Variants in KIF5C observed in about 807,000 individuals in gnomAD.
The protein encoded by KIF5C is kinesin family member 5C, also known as kinesin heavy chain isoform 5C.
Under a neutral mutation model 125.2 loss-of-function variants are expected in KIF5C, and 18 were observed. The observed-to-expected ratio is 0.14, with a 90% CI of 0.10 to 0.21. The LOEUF (loss-of-function observed/expected upper bound fraction) is 0.21, where lower values mean the gene tolerates loss of function less well. KIF5C is among the 10% of genes least tolerant of loss of function. KIF5C has a pLI of 1.00. For synonymous variants in KIF5C, 405 were observed against 434.0 expected, an observed-to-expected ratio of 0.93 and a Z score of 0.83; for missense variants, 780 against 1,183.8, an observed-to-expected ratio of 0.66 and a Z score of 5.01.
chr2:148,965,211 G>A (rs1464528352), intron 11 of KIF5C, among the ~76,000 whole-genome samples: 1 of 152,042 alleles, frequency 6.6e-6, no homozygotes, highest in Non-Finnish European at 1.5e-5. Context: ...AAGAAGTTAG[G>A]TCTGAGGGTC....
intron 13 of KIF5C, among the ~76,000 whole-genome samples, chr2:148,980,253 G>A (rs1034199281): frequency 1.4e-4 from 22 of 151,990 alleles, no homozygotes; most frequent in African/African-American, 3.4e-4. Flanking sequence ...AGCTATAGTC[G>A]AGGCCTTCCA....
At chr2:148,950,530 T>G in intron 10 of KIF5C, 68 bp downstream of exon 10, 1 of 1,527,282 alleles carries the variant, frequency 6.5e-7, no homozygotes, top group Non-Finnish European at 8.8e-7. Context: ...ATGGCAAGGC[T>G]GGGTGCAATG....
chr2:148,907,055 T>C (rs1401272477), intron 1 of KIF5C, among the ~76,000 whole-genome samples: 1 of 152,154 alleles, frequency 6.6e-6, no homozygotes, highest in Admixed American at 6.5e-5. Context: ...GCAAGAATCC[T>C]GTCTCTAAAA....
chr2:148,911,203 C>T (rs964724106), intron 1 of KIF5C, among the ~76,000 whole-genome samples: 2 of 151,836 alleles, frequency 1.3e-5, no homozygotes, highest in Non-Finnish European at 2.9e-5. Flanking sequence ...AGTATGGAAA[C>T]GGAAGGTGCA....
chr2:149,017,959 T>A (rs1259730312), intron 25 of KIF5C, among the ~76,000 whole-genome samples: 1 of 152,058 alleles, frequency 6.6e-6, no homozygotes, highest in Non-Finnish European at 1.5e-5. Context: ...GACCCCGGAG[T>A]GCGTTGCTTC....
chr2:149,010,008 G>A, intron 23 of KIF5C, 127 bp from the exon 24 acceptor site: 1 of 1,400,978 alleles, frequency 7.1e-7, no homozygotes, highest in Admixed American at 3.0e-5. Context: ...TTCTGTGGTT[G>A]TACGGAGTGC....
chr2:148,883,015 G>A (rs1389601869), intron 1 of KIF5C, among the ~76,000 whole-genome samples: 1 of 152,096 alleles, frequency 6.6e-6, no homozygotes, highest in Non-Finnish European at 1.5e-5. Flanking sequence ...CAGAGTTTGG[G>A]GTTATTTGCT....
chr2:148,970,341 C>T (rs1418744623), intron 11 of KIF5C, among the ~76,000 whole-genome samples: 5 of 152,116 alleles, frequency 3.3e-5, no homozygotes, highest in African/African-American at 1.2e-4. Flanking sequence ...GCAAATTTGT[C>T]AGGGAGAGGA....
intron 1 of KIF5C, among the ~76,000 whole-genome samples, chr2:148,921,043 G>A (rs894082931): frequency 6.6e-6 from 1 of 152,128 alleles, no homozygotes; most frequent in African/African-American, 2.4e-5. Flanking sequence ...TAGAGAAGAG[G>A]TGCCCTCAGG....
intron 15 of KIF5C, among the ~76,000 whole-genome samples, chr2:148,987,703 A>G (rs1293888419): frequency 6.6e-6 from 1 of 151,922 alleles, no homozygotes; most frequent in Non-Finnish European, 1.5e-5. Context: ...TTTTATTTGT[A>G]TTTCTTGGGG....
intron 3 of KIF5C, among the ~76,000 whole-genome samples, chr2:148,932,005 C>T (rs1427752126): frequency 1.3e-5 from 2 of 151,960 alleles, no homozygotes; most frequent in African/African-American, 2.4e-5. Context: ...CTCACTTAAT[C>T]GAGTTCTTTC....
At chr2:149,022,218 A>T (rs1441414960) in intron 25 of KIF5C, among the ~76,000 whole-genome samples, 1 of 152,124 alleles carries the variant, frequency 6.6e-6, no homozygotes, top group Admixed American at 6.6e-5. Flanking sequence ...GAAATGTTTT[A>T]ATTTCCCCCT....
Position 148,950,415 on chromosome 2 carries a change from T to C in KIF5C, c.921T>C (p.Ser307=). The part of the protein sequence containing the change: ...RTTIVICCSP[S]VFNEAETKST... ...CCATCGTCATTTGCTGTTCTCCTTC[T>C]GTCTTCAATGAGGCTGAGACCAAGT... Residue 307 remains serine, a synonymous_variant, in exon 10 of 26, where the codon TCT becomes TCC. Coordinates refer to ENST00000435030, the MANE Select transcript of KIF5C (RefSeq NM_004522.3). 6.2e-7 allele frequency: 1 copy of C among 1,614,000 alleles called. No individual in the cohort carries two copies. Among genetic ancestry groups the C allele is most frequent in the Non-Finnish European group, 8.5e-7 (1 of 1,179,882 alleles).
Position 148,991,014 on chromosome 2 carries a change from C to T in KIF5C, c.1721C>T (p.Ala574Val). ...IIGTNDVKTL[A>V]DVNGVIEEEF... The stretch of plus-strand genomic sequence containing the variant: ...TGTGTCCCCTTCTTTGCTCAGTTGG[C>T]AGATGTGAATGGAGTCATTGAGGAG... The change falls in exon 16 of 26, where the codon GCA becomes GTA. Residue 574 changes from alanine to valine, a missense_variant. Physicochemically the swap from Ala to Val is moderately conservative, Grantham distance 64. This residue lies in a region of KIF5C where 573 missense variants were observed against 742.6 expected (regional missense o/e 0.77). Coordinates refer to ENST00000435030, the MANE Select transcript of KIF5C (RefSeq NM_004522.3). 6.2e-7 allele frequency: 1 copy of T among 1,612,690 alleles called. No individual in the cohort carries two copies. Among genetic ancestry groups the T allele is most frequent in the Non-Finnish European group, 8.5e-7 (1 of 1,179,196 alleles).
Position 148,875,462 on chromosome 2 carries a change from C to T in KIF5C, c.-156C>T, listed in dbSNP as rs1220336337. The T allele has an allele frequency of 1.6e-5, 10 of 629,162 alleles. No homozygotes were observed. Among genetic ancestry groups the T allele is most frequent in the Non-Finnish European group, 2.5e-5 (9 of 365,092 alleles). 39.0% of individuals were successfully genotyped at this position (629,162 alleles called of 1,614,324 possible). ...CGGGCTCGGAGCGGCCGGGGCTGCT[C>T]AGCCGGCCGGGCTCGCGATGACCTG... On this transcript the variant is annotated 5_prime_UTR_variant, in exon 1 of 26. Transcript: ENST00000435030.
At chr2:148,885,131 G>A (rs1196140144) in intron 1 of KIF5C, among the ~76,000 whole-genome samples, 6 of 152,030 alleles carry the variant, frequency 3.9e-5, no homozygotes, top group Admixed American at 1.3e-4. Flanking sequence ...GATTACAGGC[G>A]CGTGCCATCA....
At chr2:148,908,936 C>T (rs781206889) in intron 1 of KIF5C, among the ~76,000 whole-genome samples, 2 of 152,150 alleles carry the variant, frequency 1.3e-5, no homozygotes, top group Non-Finnish European at 2.9e-5. Context: ...CAGTATGGCA[C>T]AAAAGCAGTG....
At chr2:148,978,822 T>C (rs1681150419) in intron 12 of KIF5C, 100 bp from the exon 13 acceptor site, 1 of 1,426,426 alleles carries the variant, frequency 7.0e-7, no homozygotes, top group African/African-American at 1.4e-5. Context: ...TATTCCTTCC[T>C]TCTTATCAGC....
At chr2:148,935,339 T>G (rs2105097023) in intron 3 of KIF5C, among the ~76,000 whole-genome samples, 1 of 152,334 alleles carries the variant, frequency 6.6e-6, no homozygotes, top group Middle Eastern at 3.4e-3. Context: ...TATCAATCGT[T>G]CTTCTCTGGC....
Sources: gnomAD v4.1 joint callset for allele counts (sites outside exome capture counted in the v4.1 genomes callset) on GRCh38, gnomAD v4.1.1 for gene constraint, gnomAD v4.1.1 regional missense constraint, MANE v1.5 for transcripts, NCBI Gene and HGNC (gene_info 2026-07-23, HGNC 2026-07-21) for gene names.